The following RAB3C variants were observed in gnomAD, a reference collection of about 807,000 sequenced individuals.
The protein encoded by RAB3C is ras-related protein Rab-3C.
RAB3C carries 17 observed loss-of-function variants against 26.4 expected under a neutral mutation model. The ratio of observed to expected loss-of-function variants is 0.64; its 90% CI spans 0.44 to 0.97. The LOEUF is 0.97. Ranked by LOEUF, RAB3C falls within the 50% of genes least tolerant of loss-of-function variation. The pLI, the probability that RAB3C is intolerant of heterozygous loss-of-function variation, is 0.00. For missense variants in RAB3C, 242 were observed against 281.9 expected (o/e 0.86, Z 1.01); for synonymous variants, 91 against 95.9 (o/e 0.95, Z 0.30).
intron 2 of RAB3C, among the ~76,000 whole-genome samples, chr5:58,636,827 C>T (rs1747299901): frequency 6.6e-6 from 1 of 152,160 alleles, no homozygotes; most frequent in African/African-American, 2.4e-5. Flanking sequence ...GAATTTCAAT[C>T]TCCTTATTTT....
At chr5:58,787,822 G>C (rs1446037348) in intron 3 of RAB3C, among the ~76,000 whole-genome samples, 5 of 152,202 alleles carry the variant, frequency 3.3e-5, no homozygotes, top group Admixed American at 1.3e-4. Flanking sequence ...TTCAGGTTCT[G>C]ACGTTCAAGT....
chr5:58,745,664 ATGTTAGTTATCT>A (rs1005948477), intron 3 of RAB3C, among the ~76,000 whole-genome samples: 2 of 152,150 alleles, frequency 1.3e-5, no homozygotes, highest in African/African-American at 2.4e-5. Flanking sequence ...TATTTATTAA[ATGTTAGTTATCT>A]TTCCTTCTTT....
chr5:58,735,655 G>A (rs1741117616), intron 3 of RAB3C, among the ~76,000 whole-genome samples: 1 of 152,180 alleles, frequency 6.6e-6, no homozygotes, highest in Non-Finnish European at 1.5e-5. Context: ...GTAGCCTCAA[G>A]CAGTCCTTGG....
intron 3 of RAB3C, among the ~76,000 whole-genome samples, chr5:58,770,819 A>C (rs937326023): frequency 4.6e-5 from 7 of 152,166 alleles, no homozygotes; most frequent in Admixed American, 6.5e-5. Context: ...TCTTATTTAC[A>C]TAAAATTCAC....
Position 58,649,655 on chromosome 5 carries a change from A to C in RAB3C, c.252+31785A>C, listed in dbSNP as rs546827241. On this transcript the variant is annotated intron_variant, in intron 2 of 4. Transcript: ENST00000282878. ...CATAATTTCCCTTTCTGGGTCTCTT[A>C]CTGTCACGCTTCACCAAGCCCGACA... is the stretch of plus-strand genomic sequence containing the variant. Among the ~76,000 whole-genome samples, 5 of 152,148 alleles carry C rather than the reference A, an allele frequency of 3.3e-5. No homozygotes were observed. In the East Asian group the frequency reaches 9.7e-4, roughly 29 times the overall value.
chr5:58,779,720 G>A (rs1292888843), intron 3 of RAB3C, among the ~76,000 whole-genome samples: 1 of 152,014 alleles, frequency 6.6e-6, no homozygotes, highest in Non-Finnish European at 1.5e-5. Flanking sequence ...GGATATTAGA[G>A]GAGCCAGAAC....
chr5:58,738,034 C>T (rs1455635391), intron 3 of RAB3C, among the ~76,000 whole-genome samples: 1 of 152,072 alleles, frequency 6.6e-6, no homozygotes, highest in Non-Finnish European at 1.5e-5. Flanking sequence ...AAGTTAGTGC[C>T]AATGAAGTAC....
chr5:58,635,699 G>A (rs1156614739), intron 2 of RAB3C, among the ~76,000 whole-genome samples: 3 of 152,204 alleles, frequency 2.0e-5, no homozygotes, highest in Admixed American at 2.0e-4. Context: ...TTTACCTCTA[G>A]AGTAGTTGTC....
intron 2 of RAB3C, among the ~76,000 whole-genome samples, chr5:58,685,247 CT>C (rs1416631526): frequency 6.6e-6 from 1 of 152,078 alleles, no homozygotes; most frequent in Non-Finnish European, 1.5e-5. Context: ...ACTGTATTAT[CT>C]TATGTTCTTG....
At chr5:58,817,878 C>T (rs919191793) in intron 3 of RAB3C, among the ~76,000 whole-genome samples, 2 of 152,148 alleles carry the variant, frequency 1.3e-5, no homozygotes, top group Admixed American at 1.3e-4. Flanking sequence ...TGGGAAGTTT[C>T]TTTACAAACT....
intron 2 of RAB3C, among the ~76,000 whole-genome samples, chr5:58,689,962 A>G (rs890868469): frequency 6.6e-6 from 1 of 152,146 alleles, no homozygotes; most frequent in African/African-American, 2.4e-5. Flanking sequence ...CTTAGGGGAG[A>G]TATCTCGAAG....
Position 58,851,235 on chromosome 5 carries a change from A to C in RAB3C, c.568A>C (p.Ile190Leu). The C allele has an allele frequency of 6.2e-7, 1 of 1,613,970 alleles. No homozygotes were observed. The highest frequency in any genetic ancestry group is 8.5e-7 in the Non-Finnish European group (1 of 1,179,920). ...GCAGACATTTGAGCGCCTTGTGGATATCATCTGCGACAAAATGTCAGAGAG... is the reference window on the plus strand; with the variant it reads ...GCAGACATTTGAGCGCCTTGTGGATCTCATCTGCGACAAAATGTCAGAGAG... ...VKQTFERLVD[I>L]ICDKMSESLE... is the part of the protein sequence containing the mutation. The change falls in exon 5 of 5, where the codon ATC (isoleucine) becomes CTC (leucine). Residue 190 changes from isoleucine (I) to leucine (L), a missense_variant. Physicochemically the swap from Ile to Leu is conservative, Grantham distance 5. Coordinates refer to ENST00000282878, the MANE Select transcript of RAB3C (RefSeq NM_138453.4).
intron 1 of RAB3C, among the ~76,000 whole-genome samples, chr5:58,606,640 A>G (rs1033673736): frequency 6.6e-6 from 1 of 152,220 alleles, no homozygotes; most frequent in African/African-American, 2.4e-5. Flanking sequence ...ACCTCCCAGT[A>G]GGGTCCGACA....
At position 58,594,990 on chromosome 5, in the gene RAB3C, A is replaced by G. The variant is rs183761378; in HGVS notation, c.24+11758A>G. Among the ~76,000 whole-genome samples, 183 of 152,048 alleles carry G rather than the reference A, an allele frequency of 1.2e-3. 1 individual carries two copies. Among genetic ancestry groups the G allele is most frequent in the Middle Eastern group, 3.4e-3 (1 of 292 alleles). ...TCTCCTCAGGAAGAGGTATTCTTGT[A>G]AGAGCTATTCCTCATTTTGTGTTCT... On this transcript the variant is annotated intron_variant, in intron 1 of 4. Transcript: ENST00000282878.
chr5:58,640,305 A>C (rs1449695274), intron 2 of RAB3C, among the ~76,000 whole-genome samples: 1 of 152,208 alleles, frequency 6.6e-6, no homozygotes, highest in Non-Finnish European at 1.5e-5. Context: ...TCTGCCAGGA[A>C]AATGAATGTC....
At chr5:58,712,596 C>T (rs1400301770) in intron 2 of RAB3C, among the ~76,000 whole-genome samples, 1 of 152,144 alleles carries the variant, frequency 6.6e-6, no homozygotes, top group Non-Finnish European at 1.5e-5. Context: ...GCGATCTTGG[C>T]TCACTTCAAC....
In RAB3C at chr5:58,783,609, T is replaced by C. The variant is rs544047511; in HGVS notation, c.372-41429T>C. Among the ~76,000 whole-genome samples the C allele has an allele frequency of 1.1e-3, 171 of 152,314 alleles. No homozygotes were observed. In the Middle Eastern group the frequency reaches 0.014, roughly 12 times the overall value. On this transcript the variant is annotated intron_variant, in intron 3 of 4. Coordinates refer to ENST00000282878, the MANE Select transcript of RAB3C (RefSeq NM_138453.4). ...ACCGAGGGAGCAAAGACCAAGTATT[T>C]TCCATATAGTACTTGCTCTGGATCA...
At chr5:58,683,010 T>A (rs1313165863) in intron 2 of RAB3C, among the ~76,000 whole-genome samples, 1 of 152,222 alleles carries the variant, frequency 6.6e-6, no homozygotes. Context: ...AAGTGTATAT[T>A]TTTTCTCTTT....
At chr5:58,774,022 A>C (rs1031232795) in intron 3 of RAB3C, among the ~76,000 whole-genome samples, 2 of 151,946 alleles carry the variant, frequency 1.3e-5, no homozygotes, top group African/African-American at 2.4e-5. Flanking sequence ...CACTCTTCAC[A>C]TGCTTCCTGG....
Sources: gnomAD v4.1 joint callset for allele counts (sites outside exome capture counted in the v4.1 genomes callset) on GRCh38, gnomAD v4.1.1 for gene constraint, MANE v1.5 for transcripts, NCBI Gene and HGNC (gene_info 2026-07-23, HGNC 2026-07-21) for gene names.